The following PITPNB variants were observed in gnomAD, a reference collection of about 807,000 sequenced individuals.
PITPNB encodes the protein phosphatidylinositol transfer protein beta.
PITPNB carries 16 observed loss-of-function variants against 45.9 expected under a neutral mutation model. The observed-to-expected ratio is 0.35, with a 90% CI of 0.24 to 0.53. The LOEUF is 0.53. Ranked by LOEUF, PITPNB falls within the 20% of genes least tolerant of loss-of-function variation. The pLI is 0.93. For missense variants in PITPNB, 188 were observed against 330.5 expected (o/e 0.57, Z 3.34); for synonymous variants, 112 against 108.9 (o/e 1.03, Z -0.18).
intron 1 of PITPNB, among the ~76,000 whole-genome samples, chr22:27,917,214 G>A (rs1366587753): frequency 6.6e-6 from 1 of 152,190 alleles, no homozygotes; most frequent in Non-Finnish European, 1.5e-5. Context: ...TTTGCAAAAA[G>A]CACAGTGCGC....
rs1062731 is a variant in PITPNB, at chr22:27,852,852, C to T, written c.*850G>A. 32,562 of 152,516 alleles carry T rather than the reference C, an allele frequency of 0.21. 3,629 individuals carry two copies. Among genetic ancestry groups the T allele is most frequent in the South Asian group, 0.37 (1,777 of 4,810 alleles). The allele number at this position is 152,516 out of a possible 1,614,324, so 9.4% of individuals were successfully genotyped here. On this transcript the variant is annotated 3_prime_UTR_variant, in exon 12 of 12. Transcript: ENST00000335272. Reference sequence around the variant, plus strand: ...TGTTTGTCTAACAGGAGCCTGAAAACTGTCTAGTATTTATTATAAATCAGA... The same window carrying T: ...TGTTTGTCTAACAGGAGCCTGAAAATTGTCTAGTATTTATTATAAATCAGA...
At chr22:27,897,620 T>C (rs1232746312) in intron 4 of PITPNB, among the ~76,000 whole-genome samples, 181 bp downstream of exon 4, 1 of 152,152 alleles carries the variant, frequency 6.6e-6, no homozygotes, top group Admixed American at 6.5e-5. Flanking sequence ...CTTATGCCTG[T>C]CACAAAGTTC....
At chr22:27,901,784 T>C (rs1489871620) in intron 3 of PITPNB, among the ~76,000 whole-genome samples, 1 of 152,018 alleles carries the variant, frequency 6.6e-6, no homozygotes, top group Admixed American at 6.5e-5. Flanking sequence ...CTTGGGAGGC[T>C]GAGGCAGGAG....
At chr22:27,908,190 C>T (rs759774166) in intron 3 of PITPNB, among the ~76,000 whole-genome samples, 2 of 150,222 alleles carry the variant, frequency 1.3e-5, no homozygotes, top group African/African-American at 2.4e-5. Flanking sequence ...CATTCCTTTT[C>T]TTTCTCATAA....
chr22:27,902,999 G>A (rs886286190), intron 3 of PITPNB, among the ~76,000 whole-genome samples: 10 of 152,098 alleles, frequency 6.6e-5, no homozygotes, highest in Non-Finnish European at 1.3e-4. Flanking sequence ...TTAGGTAGCT[G>A]GGACTATAGG....
intron 1 of PITPNB, among the ~76,000 whole-genome samples, chr22:27,917,821 G>A (rs1023600932): frequency 2.6e-5 from 4 of 152,130 alleles, no homozygotes; most frequent in African/African-American, 9.7e-5. Context: ...CATGTTGGAT[G>A]GTGATAAGTA....
chr22:27,885,058 C>T (rs543257762), intron 7 of PITPNB, among the ~76,000 whole-genome samples: 3 of 148,234 alleles, frequency 2.0e-5, no homozygotes, highest in South Asian at 2.1e-4. Flanking sequence ...CTTCCAAAAA[C>T]GAAGGTCTCT....
At chr22:27,859,482 A>G (rs1934258312) in intron 9 of PITPNB, among the ~76,000 whole-genome samples, 1 of 152,242 alleles carries the variant, frequency 6.6e-6, no homozygotes, top group Non-Finnish European at 1.5e-5. Flanking sequence ...AGTAAACACC[A>G]AGGAAATGTT....
Position 27,894,638 on chromosome 22 carries a change from C to T in PITPNB, c.373G>A (p.Val125Ile). 6.4e-7 allele frequency: 1 copy of T among 1,564,056 alleles called. No homozygotes were observed. The highest frequency in any genetic ancestry group is 8.8e-7 in the Non-Finnish European group (1 of 1,136,360). Residue 125 changes from valine (V) to isoleucine (I), a missense_variant and splice_region_variant, in exon 7 of 12, where the codon GTA becomes ATA. By Grantham distance (29) the Val-to-Ile change is conservative (BLOSUM62 3). Transcript: ENST00000335272. ...HKPDLGTLEN[V>I]HGLDPNTWKT... The stretch of plus-strand genomic sequence containing the variant: ...CATGTGTTTGGATCTAAACCATGTA[C>T]CTACCAATGACAAAGAGAAAAGAAA...
intron 7 of PITPNB, among the ~76,000 whole-genome samples, chr22:27,888,129 T>C (rs1361387885): frequency 2.6e-5 from 4 of 152,238 alleles, no homozygotes; most frequent in Admixed American, 2.6e-4. Flanking sequence ...AAGCATATTA[T>C]ACATACTTCT....
intron 8 of PITPNB, among the ~76,000 whole-genome samples, chr22:27,864,052 C>T (rs919794543): frequency 1.3e-5 from 2 of 152,170 alleles, no homozygotes; most frequent in Non-Finnish European, 2.9e-5. Context: ...AAAAACCCTT[C>T]AGAGAAGAAC....
At chr22:27,891,365 G>T (rs1171183382) in intron 7 of PITPNB, among the ~76,000 whole-genome samples, 1 of 152,140 alleles carries the variant, frequency 6.6e-6, no homozygotes, top group Non-Finnish European at 1.5e-5. Flanking sequence ...CCACATATAC[G>T]CAGGTTGTGT....
chr22:27,906,155 T>C (rs1935752765), intron 3 of PITPNB, among the ~76,000 whole-genome samples: 1 of 152,162 alleles, frequency 6.6e-6, no homozygotes, highest in East Asian at 1.9e-4. Flanking sequence ...TTCTGAGGTG[T>C]ACTCAGAAAA....
intron 10 of PITPNB, among the ~76,000 whole-genome samples, chr22:27,855,833 T>C (rs1792389692): frequency 6.6e-6 from 1 of 152,206 alleles, no homozygotes; most frequent in African/African-American, 2.4e-5. Flanking sequence ...AAGAGCATTA[T>C]AATGTCATTA....
At chr22:27,916,639 A>G (rs1936083945) in intron 1 of PITPNB, among the ~76,000 whole-genome samples, 1 of 152,128 alleles carries the variant, frequency 6.6e-6, no homozygotes, top group African/African-American at 2.4e-5. Flanking sequence ...TGTCTCTACT[A>G]AAAATACAAA....
intron 7 of PITPNB, among the ~76,000 whole-genome samples, chr22:27,877,970 GA>G (rs1338609262): frequency 6.6e-6 from 1 of 152,220 alleles, no homozygotes; most frequent in Non-Finnish European, 1.5e-5. Flanking sequence ...ATCCTGTGGA[GA>G]GGGGGTGTTT....
chr22:27,857,014 C>A (rs1934192958), intron 10 of PITPNB, among the ~76,000 whole-genome samples: 4 of 152,256 alleles, frequency 2.6e-5, no homozygotes, highest in East Asian at 1.9e-4. Context: ...TCTGCTCTTG[C>A]CTATTTAAGT....
Position 27,873,792 on chromosome 22 carries a change from T to C in PITPNB, c.480A>G (p.Pro160=), listed in dbSNP as rs773990001. ...TGGTCTTGACTGACTGGAATAATGC[T>C]GGGTCTTCATCAGCTTTGTAGTCCT... The part of the protein sequence containing the change: ...EPADYKADED[P]ALFQSVKTKR... The change falls in exon 8 of 12, where the codon CCA becomes CCG. Residue 160 remains proline, a synonymous_variant. Transcript: ENST00000335272. The C allele has an allele frequency of 5.6e-6, 9 of 1,612,966 alleles. No homozygotes were observed. In the South Asian group the frequency reaches 7.7e-5, roughly 14 times the overall value.
At chr22:27,888,491 A>G (rs2146389667) in intron 7 of PITPNB, among the ~76,000 whole-genome samples, 1 of 152,338 alleles carries the variant, frequency 6.6e-6, no homozygotes, top group African/African-American at 2.4e-5. Context: ...TCAAAAGGAC[A>G]TCAAATTGAT....
Sources: gnomAD v4.1 joint callset for allele counts (sites outside exome capture counted in the v4.1 genomes callset) on GRCh38, gnomAD v4.1.1 for gene constraint, MANE v1.5 for transcripts, NCBI Gene and HGNC (gene_info 2026-07-23, HGNC 2026-07-21) for gene names.